GTF2IRD1: variants seen among roughly 807,000 people sequenced by gnomAD.
GTF2IRD1 encodes the protein GTF2I repeat domain containing 1.
Under a neutral mutation model 113.2 loss-of-function variants are expected in GTF2IRD1, and 26 were observed. The observed-to-expected ratio is 0.23, with a 90% confidence interval of 0.17 to 0.32. The LOEUF is 0.32. GTF2IRD1 is among the 10% of genes least tolerant of loss of function. GTF2IRD1 has a pLI of 1.00. For synonymous variants in GTF2IRD1, 484 were observed against 529.1 expected, an observed-to-expected ratio of 0.91 and a Z score of 1.17; for missense variants, 864 against 1,280.8, an observed-to-expected ratio of 0.67 and a Z score of 4.97.
intron 1 of GTF2IRD1, among the ~76,000 whole-genome samples, chr7:74,456,796 C>T (rs1044635209): frequency 6.6e-6 from 1 of 152,092 alleles, no homozygotes; most frequent in East Asian, 1.9e-4. Context: ...TTCTTCTTGG[C>T]CTTTCCCCTG....
chr7:74,572,592 G>C (rs587753061), intron 22 of GTF2IRD1: 3 of 979,702 alleles, frequency 3.1e-6, no homozygotes, highest in East Asian at 2.3e-4. Context: ...CCCTTCTGCT[G>C]CCCAAGACTT....
In GTF2IRD1 at chr7:74,487,982, A is replaced by T. The variant is rs578206023; in HGVS notation, c.-6-20093A>T. 1.5e-4 allele frequency among the ~76,000 whole-genome samples: 23 copies of T among 152,298 alleles called. No homozygotes were observed. In the South Asian group the frequency reaches 4.8e-3, roughly 32 times the overall value. ...TGGTGGGACTAGAGATGGAGCCCTC[A>T]GCATAAAAAATAAAGTTAGCCGGGT... On this transcript the variant is annotated intron_variant, in intron 1 of 26. Transcript: ENST00000424337.
intron 15 of GTF2IRD1, among the ~76,000 whole-genome samples, chr7:74,545,483 C>T (rs1798868235): frequency 6.6e-6 from 1 of 152,156 alleles, no homozygotes; most frequent in Non-Finnish European, 1.5e-5. Flanking sequence ...CATGGTCACT[C>T]CTAGTCCACA....
chr7:74,538,041 G>C (rs1239908127), intron 11 of GTF2IRD1, 95 bp from the exon 12 acceptor site: 29 of 1,224,874 alleles, frequency 2.4e-5, no homozygotes, highest in Middle Eastern at 2.7e-4. Flanking sequence ...CTGCAGTGGC[G>C]CCCGCGGTGG....
chr7:74,547,527 G>A lies in GTF2IRD1; in HGVS notation c.1916+241G>A, dbSNP rs190928151. 5.4e-3 allele frequency among the ~76,000 whole-genome samples: 745 copies of A among 137,848 alleles called. 4 individuals carry two copies. Among genetic ancestry groups the A allele is most frequent in the Non-Finnish European group, 7.1e-3 (471 of 66,346 alleles). The allele number at this position is 137,848 out of a possible 152,430, so 90.4% of individuals were successfully genotyped here. On this transcript the variant is annotated intron_variant, in intron 17 of 26. Transcript: ENST00000424337. The stretch of plus-strand genomic sequence containing the variant: ...ACGAACTTGGCTCACTGCAACCTCC[G>A]CTCTGGCTTCAAGCGAGTCTCCTGC...
rs587753544 is a variant in GTF2IRD1, at chr7:74,543,370, G to C, written c.1619-1385G>C. On this transcript the variant is annotated intron_variant, in intron 14 of 26. Coordinates refer to ENST00000424337, the MANE Select transcript of GTF2IRD1 (RefSeq NM_005685.4). Reference sequence around the variant, plus strand: ...CATCTGTAATCCCAGCTACTCAGGAGGCTGAGGCAGGAGAATCGCTTGAAC... The same window carrying C: ...CATCTGTAATCCCAGCTACTCAGGACGCTGAGGCAGGAGAATCGCTTGAAC... Among the ~76,000 whole-genome samples, 8 of 152,310 alleles carry C rather than the reference G, an allele frequency of 5.3e-5. No homozygotes were observed. The East Asian group carries it at 1.5e-3, about 29-fold the overall frequency.
At chr7:74,566,474 C>T (rs1800325596) in intron 22 of GTF2IRD1, among the ~76,000 whole-genome samples, 1 of 152,224 alleles carries the variant, frequency 6.6e-6, no homozygotes, top group Non-Finnish European at 1.5e-5. Context: ...TCCCAAGTAG[C>T]TGGGATTACA....
rs782351258 is a variant in GTF2IRD1, at chr7:74,519,637, C to G, written c.834C>G (p.Pro278=). ...TCAAGCAGGAAGCACCTTCCTGCCC[C>G]CTTGCCCCCAGCGACCTGGGCCTGA... ...RELKQEAPSC[P]LAPSDLGLSR... The change falls in exon 6 of 27, where the codon CCC becomes CCG. Residue 278 remains proline, a synonymous_variant. Transcript: ENST00000424337. The G allele has an allele frequency of 5.6e-6, 9 of 1,611,022 alleles. No homozygotes were observed. The Admixed American group carries it at 1.3e-4, about 24-fold the overall frequency.
Position 74,512,594 on chromosome 7 carries a change from G to C in GTF2IRD1, c.124-236G>C, listed in dbSNP as rs1223776833. 3.3e-5 allele frequency among the ~76,000 whole-genome samples: 5 copies of C among 151,758 alleles called. No individual in the cohort carries two copies. The highest frequency in any genetic ancestry group is 1.2e-4 in the African/African-American group (5 of 41,140). On this transcript the variant is annotated intron_variant, in intron 2 of 26. Transcript: ENST00000424337. The surrounding 1 kb of genome is among the most constrained non-coding windows in gnomAD (Gnocchi z 4.4). ...CTACCCCAAGGAGGAGGACCTTGGA[G>C]GGAGGAGCAGAGGACACTTGTCCTC...
intron 22 of GTF2IRD1, among the ~76,000 whole-genome samples, chr7:74,565,575 G>A (rs1353047205): frequency 3.3e-5 from 5 of 152,116 alleles, no homozygotes; most frequent in Non-Finnish European, 7.4e-5. Flanking sequence ...GGGCTGTTCA[G>A]GATATGCTGG....
rs1420473302 is a variant in GTF2IRD1 at position 74,528,872 on chromosome 7, T to C, written c.1091-862T>C. Among the ~76,000 whole-genome samples the C allele has an allele frequency of 4.1e-4, 25 of 60,556 alleles. 1 individual carries two copies. Among genetic ancestry groups the C allele is most frequent in the African/African-American group, 1.9e-3 (25 of 13,142 alleles). The allele number at this position is 60,556 out of a possible 152,430, so 39.7% of individuals were successfully genotyped here. A position where few individuals can be genotyped will look rare whatever the true frequency, so the allele number is the denominator to read the frequency against. The stretch of plus-strand genomic sequence containing the variant: ...AAGGATGGATGGATGAATGGGCAGA[T>C]GGATGGATGGATGGATGGATGGATG... On this transcript the variant is annotated intron_variant, in intron 8 of 26. Coordinates refer to ENST00000424337, the MANE Select transcript of GTF2IRD1 (RefSeq NM_005685.4).
At chr7:74,578,467 C>T (rs1294652146) in intron 22 of GTF2IRD1, among the ~76,000 whole-genome samples, 2 of 152,198 alleles carry the variant, frequency 1.3e-5, no homozygotes, top group South Asian at 2.1e-4. Context: ...TGAGCCACCG[C>T]GCCCAGCCTA....
At chr7:74,492,429 A>C (rs565778685) in intron 1 of GTF2IRD1, among the ~76,000 whole-genome samples, 33 of 151,748 alleles carry the variant, frequency 2.2e-4, no homozygotes, top group Non-Finnish European at 4.7e-4. Context: ...CTTGGCCTCC[A>C]AAAGTGCTGG....
chr7:74,561,218 G>A (rs1344111517), intron 22 of GTF2IRD1, among the ~76,000 whole-genome samples: 15 of 151,566 alleles, frequency 9.9e-5, no homozygotes, highest in Non-Finnish European at 1.6e-4. Flanking sequence ...GTGTGGTGGC[G>A]CACACCTGTA....
intron 22 of GTF2IRD1, among the ~76,000 whole-genome samples, chr7:74,568,007 A>G (rs1176745918): frequency 1.3e-5 from 2 of 151,850 alleles, no homozygotes; most frequent in Non-Finnish European, 2.9e-5. Context: ...AGCCGGTGTC[A>G]AACTCCTGAC....
intron 1 of GTF2IRD1, among the ~76,000 whole-genome samples, chr7:74,496,886 G>A (rs782540613): frequency 7.2e-5 from 11 of 152,090 alleles, no homozygotes; most frequent in Admixed American, 6.6e-5. Flanking sequence ...TTAAGGCCAG[G>A]CATGGTGGCT....
intron 17 of GTF2IRD1, among the ~76,000 whole-genome samples, chr7:74,553,809 T>C (rs1384539013): frequency 6.6e-6 from 1 of 152,110 alleles, no homozygotes; most frequent in Non-Finnish European, 1.5e-5. Flanking sequence ...CCTCTCTAAG[T>C]TTACTGCTGG....
chr7:74,482,595 C>T (rs1554334858), intron 1 of GTF2IRD1, among the ~76,000 whole-genome samples: 2 of 152,104 alleles, frequency 1.3e-5, no homozygotes, highest in African/African-American at 4.8e-5. Flanking sequence ...ACTGTTCACA[C>T]ACTAAACTAC....
intron 22 of GTF2IRD1, among the ~76,000 whole-genome samples, chr7:74,577,251 C>G (rs1801129218): frequency 1.3e-5 from 2 of 152,142 alleles, no homozygotes; most frequent in African/African-American, 4.8e-5. Context: ...GTTGGCCAGA[C>G]TAGTCTTGAA....
Sources: allele counts gnomAD v4.1 joint callset (sites outside exome capture counted in the v4.1 genomes callset), GRCh38; gene constraint gnomAD v4.1.1; non-coding constraint Gnocchi (gnomAD v3.1); transcripts MANE v1.5; gene names NCBI Gene and HGNC (gene_info 2026-07-23, HGNC 2026-07-21).